The following SNX13 variants were observed in gnomAD, a reference collection of about 807,000 sequenced individuals.
SNX13 encodes sorting nexin 13, also known as sorting nexin-13.
SNX13 carries 45 observed loss-of-function variants against 133.6 expected under a neutral mutation model. The ratio of observed to expected loss-of-function variants is 0.34; its 90% CI spans 0.27 to 0.43. The LOEUF (loss-of-function observed/expected upper bound fraction) is 0.43, where lower values mean the gene tolerates loss of function less well. SNX13 is among the 20% of genes least tolerant of loss of function. SNX13 has a pLI of 1.00. For synonymous variants in SNX13, 414 were observed against 373.9 expected, an observed-to-expected ratio of 1.11 and a Z score of -1.24; for missense variants, 1,032 against 1,145.1, an observed-to-expected ratio of 0.90 and a Z score of 1.43.
chr7:17,923,732 G>A (rs73069225), intron 1 of SNX13, among the ~76,000 whole-genome samples: 2,843 of 152,238 alleles, frequency 0.019, 40 homozygotes, highest in Non-Finnish European at 0.029. Context: ...TCTTCTTCTC[G>A]GAGTTGTGGC....
intron 20 of SNX13, among the ~76,000 whole-genome samples, chr7:17,813,979 A>G (rs978277371): frequency 1.3e-5 from 2 of 152,176 alleles, no homozygotes; most frequent in Non-Finnish European, 2.9e-5. Context: ...AAGAATAGTG[A>G]GAAACTCCTT....
chr7:17,887,916 G>A (rs1346087918), intron 5 of SNX13, among the ~76,000 whole-genome samples: 4 of 151,696 alleles, frequency 2.6e-5, no homozygotes, highest in Non-Finnish European at 5.9e-5. Context: ...CCCTATAAAG[G>A]ACTGTAAGTT....
At chr7:17,797,066 C>T (rs900668853) in intron 24 of SNX13, 127 bp from the exon 25 acceptor site, 2 of 699,396 alleles carry the variant, frequency 2.9e-6, no homozygotes, top group African/African-American at 3.6e-5. Context: ...TGAATAATAA[C>T]ATATAGCTAT....
chr7:17,886,307 C>T (rs533368481), intron 5 of SNX13, among the ~76,000 whole-genome samples: 94 of 152,202 alleles, frequency 6.2e-4, no homozygotes, highest in Admixed American at 2.0e-3. Flanking sequence ...CAGTGACTCA[C>T]GCCTGTAATC....
chr7:17,805,379 T>C (rs1785177196), intron 20 of SNX13, among the ~76,000 whole-genome samples: 1 of 152,168 alleles, frequency 6.6e-6, no homozygotes, highest in East Asian at 1.9e-4. Context: ...TTCTTTTAAA[T>C]GGTAATAACA....
At chr7:17,918,435 GAAA>G (rs71010279) in intron 1 of SNX13, among the ~76,000 whole-genome samples, 8 of 146,426 alleles carry the variant, frequency 5.5e-5, no homozygotes, top group African/African-American at 2.0e-4. Flanking sequence ...GAATCAACAA[GAAA>G]AAAAAAAAAA....
intron 5 of SNX13, among the ~76,000 whole-genome samples, chr7:17,886,859 T>C (rs925841751): frequency 1.3e-5 from 2 of 152,048 alleles, no homozygotes; most frequent in African/African-American, 4.8e-5. Flanking sequence ...TCAGCTACTG[T>C]GGTTCACTCT....
chr7:17,816,560 A>G (rs977077463), intron 18 of SNX13, among the ~76,000 whole-genome samples: 1 of 151,964 alleles, frequency 6.6e-6, no homozygotes, highest in Non-Finnish European at 1.5e-5. Context: ...ACTTGGGAGG[A>G]TGAGGGAGGA....
intron 4 of SNX13, among the ~76,000 whole-genome samples, 195 bp downstream of exon 4, chr7:17,891,351 C>G (rs375733016): frequency 1.3e-5 from 2 of 151,908 alleles, no homozygotes; most frequent in Non-Finnish European, 2.9e-5. Flanking sequence ...AATCGAAAGG[C>G]TTTTACATAA....
At chr7:17,925,082 G>C (rs573540344) in intron 1 of SNX13, among the ~76,000 whole-genome samples, 116 of 152,186 alleles carry the variant, frequency 7.6e-4, no homozygotes, top group Admixed American at 3.6e-3. Context: ...GGTGGCACGT[G>C]CCTGGAATTC....
Position 17,897,335 on chromosome 7 carries a change from C to A in SNX13, c.124G>T (p.Gly42Trp). 1 of 1,513,264 alleles carries A rather than the reference C, an allele frequency of 6.6e-7. No individual in the cohort carries two copies. 93.7% of individuals were successfully genotyped at this position (1,513,264 alleles called of 1,614,324 possible). Reference protein sequence around the residue: ...LTFYILCFVGGGLVVTLLFGK... With the variant: ...LTFYILCFVGWGLVVTLLFGK... ...AAAATTATAATTGAGTATACTTACC[C>A]ACCCACAAAGCAGAGGATATAAAAT... The change falls in exon 2 of 26, where the codon GGG becomes TGG. Residue 42 changes from glycine to tryptophan, a missense_variant and splice_region_variant. Transcript: ENST00000428135.
At chr7:17,799,977 T>C (rs983100940) in intron 22 of SNX13, among the ~76,000 whole-genome samples, 5 of 151,910 alleles carry the variant, frequency 3.3e-5, no homozygotes, top group African/African-American at 1.2e-4. Context: ...TATACATTTT[T>C]CACTGTCACG....
chr7:17,862,339 C>A (rs1792811416), intron 9 of SNX13, among the ~76,000 whole-genome samples: 2 of 152,036 alleles, frequency 1.3e-5, no homozygotes, highest in South Asian at 2.1e-4. Context: ...ATTTACCCTG[C>A]CTGAATTTTA....
intron 9 of SNX13, among the ~76,000 whole-genome samples, chr7:17,855,883 G>C (rs773940234): frequency 6.6e-6 from 1 of 152,194 alleles, no homozygotes; most frequent in Non-Finnish European, 1.5e-5. Flanking sequence ...ATTTGCTCTA[G>C]ATAGTGATTC....
intron 1 of SNX13, among the ~76,000 whole-genome samples, chr7:17,927,229 G>A (rs1800859482): frequency 6.7e-6 from 1 of 149,626 alleles, no homozygotes; most frequent in African/African-American, 2.4e-5. Flanking sequence ...GTGTGCATGT[G>A]TGTATATATA....
chr7:17,929,521 A>AT (rs199683864), intron 1 of SNX13, among the ~76,000 whole-genome samples: 5 of 152,032 alleles, frequency 3.3e-5, no homozygotes, highest in Non-Finnish European at 7.4e-5. Flanking sequence ...TCAACTACAT[A>AT]TTTTTAAAAA....
chr7:17,904,185 G>A (rs1798149339), intron 1 of SNX13, among the ~76,000 whole-genome samples: 1 of 152,194 alleles, frequency 6.6e-6, no homozygotes, highest in South Asian at 2.1e-4. Flanking sequence ...TGATAGGAAA[G>A]GCAGCATAAT....
At chr7:17,898,287 T>C (rs372208509) in intron 1 of SNX13, 5 of 152,194 alleles carry the variant, frequency 3.3e-5, no homozygotes, top group East Asian at 1.9e-4. Flanking sequence ...TCAAGGAGCA[T>C]AGAGAAGAAT....
intron 18 of SNX13, among the ~76,000 whole-genome samples, chr7:17,818,190 G>C (rs1410944853): frequency 6.6e-6 from 1 of 152,142 alleles, no homozygotes; most frequent in Non-Finnish European, 1.5e-5. Flanking sequence ...TTGATTTCTA[G>C]TCTCTGGAAC....
Sources: gnomAD v4.1 joint callset for allele counts (sites outside exome capture counted in the v4.1 genomes callset) on GRCh38, gnomAD v4.1.1 for gene constraint, MANE v1.5 for transcripts, NCBI Gene and HGNC (gene_info 2026-07-23, HGNC 2026-07-21) for gene names.